Variants in CROCC2 observed in about 807,000 individuals in gnomAD.
The protein encoded by CROCC2 is ciliary rootlet coiled-coil protein 2.
A neutral mutation model predicts 177.6 loss-of-function variants in CROCC2; 163 were observed. The observed-to-expected ratio is 0.92, with a 90% CI of 0.81 to 1.05. The LOEUF is 1.05. CROCC2 is among the 50% of genes least tolerant of loss of function. The pLI, the probability that CROCC2 is intolerant of heterozygous loss-of-function variation, is 0.00. For missense variants in CROCC2, 1,929 were observed against 1,797.8 expected (o/e 1.07, Z -1.32); for synonymous variants, 904 against 787.3 (o/e 1.15, Z -2.48).
At position 240,973,062 on chromosome 2, in the gene CROCC2, T is replaced by C. The variant is rs2059733214; in HGVS notation, c.4401+4800T>C. Among the ~76,000 whole-genome samples the C allele has an allele frequency of 6.6e-6, 1 of 152,190 alleles. No individual in the cohort carries two copies. The highest frequency in any genetic ancestry group is 1.5e-5 in the Non-Finnish European group (1 of 68,032). On this transcript the variant is annotated intron_variant, in intron 27 of 31. Transcript: ENST00000690015. This position sits in a 1 kb window ranked among gnomAD's most constrained non-coding sequence, Gnocchi z 4.7. ...GGTGCCTCTCCTGGCTCTGCCAAGC[T>C]CCCGGCACAGTCTAGAGCCAGCTCT...
At chr2:240,955,801 C>A in intron 18 of CROCC2, 58 bp from the exon 19 acceptor site, 1 of 1,204,828 alleles carries the variant, frequency 8.3e-7, no homozygotes, top group Non-Finnish European at 1.2e-6. Context: ...TAGAGGGGGG[C>A]CTCTTCCCTC....
chr2:240,926,823 G>A (rs1023047956), intron 5 of CROCC2, among the ~76,000 whole-genome samples: 4 of 152,266 alleles, frequency 2.6e-5, no homozygotes, highest in South Asian at 2.1e-4. Flanking sequence ...TCTGCATAGC[G>A]TCAGCGGGAG....
At position 240,957,833 on chromosome 2, in the gene CROCC2, G is replaced by A. The variant is rs551859856; in HGVS notation, c.2944-1468G>A. The A allele has an allele frequency of 4.6e-5, 14 of 302,514 alleles. No individual in the cohort carries two copies. In the East Asian group the frequency reaches 2.1e-3, roughly 45 times the overall value. The allele number at this position is 302,514 out of a possible 1,614,324, so 18.7% of individuals were successfully genotyped here. On this transcript the variant is annotated intron_variant, in intron 19 of 31. Coordinates refer to ENST00000690015, the MANE Select transcript of CROCC2 (RefSeq NM_001351305.2). ...GCCCAGGAGGACCAAGCTTGGCATCGGGCCTGTGACCATGCCCCTCCCTCC... is the reference window on the plus strand; with the variant it reads ...GCCCAGGAGGACCAAGCTTGGCATCAGGCCTGTGACCATGCCCCTCCCTCC...
At chr2:240,948,002 C>G (rs1321121868) in intron 15 of CROCC2, among the ~76,000 whole-genome samples, 1 of 152,174 alleles carries the variant, frequency 6.6e-6, no homozygotes, top group Non-Finnish European at 1.5e-5. Flanking sequence ...GTCTGAGCAG[C>G]AGAGGCCACA....
chr2:240,914,390 C>T (rs1278203445), intron 1 of CROCC2, among the ~76,000 whole-genome samples: 1 of 152,212 alleles, frequency 6.6e-6, no homozygotes, highest in Admixed American at 6.5e-5. Context: ...GAGAACCCTG[C>T]GGGCCGATGC....
At chr2:240,966,776 G>A (rs2059687242) in intron 25 of CROCC2, among the ~76,000 whole-genome samples, 1 of 152,114 alleles carries the variant, frequency 6.6e-6, no homozygotes, top group African/African-American at 2.4e-5. Context: ...CCTCCGGTGG[G>A]GCCAAGCTCC....
In CROCC2 at chr2:240,918,472, C is replaced by G. The variant is rs1257623215; in HGVS notation, c.79-254C>G. 6.6e-6 allele frequency among the ~76,000 whole-genome samples: 1 copy of G among 152,228 alleles called. No homozygotes were observed. Among genetic ancestry groups the G allele is most frequent in the Non-Finnish European group, 1.5e-5 (1 of 68,034 alleles). ...CCAAGACAGGGCAGAGCCCCAAGCG[C>G]AGTACCTGCTCCTGCTGACCTCGGC... On this transcript the variant is annotated intron_variant, in intron 1 of 31. Coordinates refer to ENST00000690015, the MANE Select transcript of CROCC2 (RefSeq NM_001351305.2). The surrounding 1 kb of genome is among the most constrained non-coding windows in gnomAD (Gnocchi z 6.3).
intron 6 of CROCC2, 58 bp downstream of exon 6, chr2:240,930,327 C>T (rs1574755970): frequency 2.1e-6 from 1 of 475,762 alleles, no homozygotes; most frequent in Non-Finnish European, 3.9e-6. Flanking sequence ...GCTGAAACCC[C>T]CTTGGGGAGG....
Position 240,935,548 on chromosome 2 carries a change from TG to T in CROCC2, c.2133del (p.Arg712GlufsTer131). On this transcript the variant is annotated frameshift_variant, in exon 14 of 32. Transcript: ENST00000690015. LOFTEE classifies it high-confidence loss of function. Reference sequence around the variant, plus strand: ...CAGCTGGAGGGGCAGGCAGCCCTGCTGGGGCGAGAGAAGGCCCAGCTCCAGG... The same window carrying T: ...CAGCTGGAGGGGCAGGCAGCCCTGCTGGGCGAGAGAAGGCCCAGCTCCAGG... The part of the protein sequence containing the change: ...QEQLEGQAAL[L>X]GREKAQLQEQ... 1 of 1,348,878 alleles carries T rather than the reference TG, an allele frequency of 7.4e-7. No homozygotes were observed. The highest frequency in any genetic ancestry group is 9.5e-7 in the Non-Finnish European group (1 of 1,049,216). The allele number at this position is 1,348,878 out of a possible 1,614,324, so 83.6% of individuals were successfully genotyped here. A position where few individuals can be genotyped will look rare whatever the true frequency, so the allele number is the denominator to read the frequency against.
In CROCC2 at chr2:240,958,444, C is replaced by T. The variant is rs1052454274; in HGVS notation, c.2944-857C>T. The T allele has an allele frequency of 5.1e-5, 16 of 313,538 alleles. No individual in the cohort carries two copies. Among genetic ancestry groups the T allele is most frequent in the African/African-American group, 3.4e-4 (15 of 44,550 alleles). 19.4% of individuals were successfully genotyped at this position (313,538 alleles called of 1,614,324 possible). A position where few individuals can be genotyped will look rare whatever the true frequency, so the allele number is the denominator to read the frequency against. The stretch of plus-strand genomic sequence containing the variant: ...TCCCAAGAGCAGGGGGCACAGGCTG[C>T]AGGAACCCCCACCCTAGCAGAATCC... On this transcript the variant is annotated intron_variant, in intron 19 of 31. Coordinates refer to ENST00000690015, the MANE Select transcript of CROCC2 (RefSeq NM_001351305.2). This position sits in a 1 kb window ranked among gnomAD's most constrained non-coding sequence, Gnocchi z 6.7.
chr2:240,934,566 T>C, intron 12 of CROCC2, 91 bp downstream of exon 12: 1 of 1,242,072 alleles, frequency 8.1e-7, no homozygotes, highest in Non-Finnish European at 1.1e-6. Flanking sequence ...CCCTCTCTCC[T>C]GCCTGCCGGG....
In CROCC2 at chr2:240,967,380, C is replaced by A. The variant is rs1472892928; in HGVS notation, c.4182C>A (p.Ser1394Arg). 1.2e-6 allele frequency: 1 copy of A among 811,144 alleles called. No individual in the cohort carries two copies. Among genetic ancestry groups the A allele is most frequent in the Non-Finnish European group, 2.1e-6 (1 of 472,608 alleles). 50.2% of individuals were successfully genotyped at this position (811,144 alleles called of 1,614,324 possible). A position where few individuals can be genotyped will look rare whatever the true frequency, so the allele number is the denominator to read the frequency against. The part of the protein sequence containing the change: ...DSRIQMATLS[S>R]RLSEAECRCA... ...GCATCCAGATGGCGACCCTGAGCAG[C>A]CGGCTGAGCGAGGCAGAGTGCAGGT... is the stretch of plus-strand genomic sequence containing the variant. The change falls in exon 26 of 32, where the codon AGC becomes AGA. Residue 1394 changes from serine to arginine, a missense_variant. By Grantham distance (110) the Ser-to-Arg change is moderately radical (BLOSUM62 -1). Coordinates refer to ENST00000690015, the MANE Select transcript of CROCC2 (RefSeq NM_001351305.2).
chr2:240,955,898 G>A lies in CROCC2; in HGVS notation c.2869G>A (p.Glu957Lys), dbSNP rs1467734290. 1 of 1,534,988 alleles carries A rather than the reference G, an allele frequency of 6.5e-7. No individual in the cohort carries two copies. The highest frequency in any genetic ancestry group is 8.7e-7 in the Non-Finnish European group (1 of 1,146,890). ...AGAAACAGAGCGGAGCCTTCTGAGT[G>A]AGGAGCTCTCCAGGGCCAGGAGGAC... ...LKETERSLLS[E>K]ELSRARRTLE... The change falls in exon 19 of 32, where the codon GAG becomes AAG. Residue 957 changes from glutamate (E) to lysine (K), a missense_variant. Transcript: ENST00000690015.
rs948720471 is a variant in CROCC2, at chr2:240,931,173, G to C, written c.947+45G>C. ...AAGCTTGCACAGGGAGGGCCCGGGG[G>C]GTCGGGGCCCATCCAGCGTGCCGAG... On this transcript the variant is annotated intron_variant, in intron 7 of 31. Transcript: ENST00000690015. 3 of 671,550 alleles carry C rather than the reference G, an allele frequency of 4.5e-6. No homozygotes were observed. In the Admixed American group the frequency reaches 6.5e-5, roughly 15 times the overall value. The allele number at this position is 671,550 out of a possible 1,614,324, so 41.6% of individuals were successfully genotyped here.
chr2:240,964,183 G>T, intron 21 of CROCC2: 1 of 554,180 alleles, frequency 1.8e-6, no homozygotes, highest in Admixed American at 3.1e-5. Context: ...TAGGCTGGAT[G>T]TTGAGCGTCC....
Position 240,933,197 on chromosome 2 carries a change from A to C in CROCC2, c.1318A>C (p.Ser440Arg), listed in dbSNP as rs978659726. 3.2e-6 allele frequency: 5 copies of C among 1,549,558 alleles called. No homozygotes were observed. In the African/African-American group the frequency reaches 6.8e-5, roughly 21 times the overall value. The stretch of plus-strand genomic sequence containing the variant: ...CAGTCTCCAGGAGCAGCTGTCCGAA[A>C]GCCGGCGGGAGCTGTGGGCCGCACA... ...VASLQEQLSESRRELWAAQKL... is the reference protein window; with the variant it reads ...VASLQEQLSERRRELWAAQKL... Residue 440 changes from serine (S) to arginine (R), a missense_variant, in exon 10 of 32, where the codon AGC (serine) becomes CGC (arginine). Around this residue, in one of 3 missense-constraint regions of CROCC2, gnomAD observed 1,397 missense variants for 1,239.9 expected, o/e 1.13. Coordinates refer to ENST00000690015, the MANE Select transcript of CROCC2 (RefSeq NM_001351305.2).
In CROCC2 at chr2:240,949,178, C is replaced by G. The variant is rs1009059098; in HGVS notation, c.2482+81C>G. The G allele has an allele frequency of 2.8e-6, 4 of 1,453,936 alleles. No homozygotes were observed. The highest frequency in any genetic ancestry group is 3.6e-6 in the Non-Finnish European group (4 of 1,107,320). 90.1% of individuals were successfully genotyped at this position (1,453,936 alleles called of 1,614,324 possible). On this transcript the variant is annotated intron_variant, in intron 16 of 31. Transcript: ENST00000690015. The surrounding 1 kb of genome is among the most constrained non-coding windows in gnomAD (Gnocchi z 4.5). The stretch of plus-strand genomic sequence containing the variant: ...CCTGGAATGGAGCTCAGTGCCCACA[C>G]GTGCTGCACCCCCTCTCCGGAGCCC...
At position 240,922,525 on chromosome 2, in the gene CROCC2, T is replaced by C. The variant is rs534663802; in HGVS notation, c.382-14T>C. ...AGGAGCAGCCAGACCAGGTGGGCTA[T>C]TGCTCCTCCCCAGCTGCAGGCCCGG... On this transcript the variant is annotated splice_polypyrimidine_tract_variant and intron_variant, in intron 3 of 31. Coordinates refer to ENST00000690015, the MANE Select transcript of CROCC2 (RefSeq NM_001351305.2). 1 of 693,904 alleles carries C rather than the reference T, an allele frequency of 1.4e-6. No individual in the cohort carries two copies. Among genetic ancestry groups the C allele is most frequent in the South Asian group, 1.5e-5 (1 of 66,580 alleles). 43.0% of individuals were successfully genotyped at this position (693,904 alleles called of 1,614,324 possible).
chr2:240,928,362 C>T (rs536793202), intron 5 of CROCC2, among the ~76,000 whole-genome samples: 17 of 151,846 alleles, frequency 1.1e-4, no homozygotes, highest in Non-Finnish European at 2.2e-4. Context: ...TGTTTAACTC[C>T]GACATTCTGG....
Sources: allele counts gnomAD v4.1 joint callset (sites outside exome capture counted in the v4.1 genomes callset), GRCh38; gene constraint gnomAD v4.1.1; regional missense constraint gnomAD v4.1.1; non-coding constraint Gnocchi (gnomAD v3.1); transcripts MANE v1.5; gene names NCBI Gene and HGNC (gene_info 2026-07-23, HGNC 2026-07-21).